MARVELD2: variants seen among roughly 807,000 people sequenced by gnomAD.
MARVELD2 encodes MARVEL domain containing 2, also known as MARVEL domain-containing protein 2.
A neutral mutation model predicts 57.6 loss-of-function variants in MARVELD2; 49 were observed. That is an observed-to-expected ratio of 0.85 (90% CI 0.68 to 1.08). The LOEUF (loss-of-function observed/expected upper bound fraction) is 1.08. Among genes scored for constraint, MARVELD2 ranks in the 50% least tolerant of loss-of-function variants. MARVELD2 has a pLI of 0.00. For missense variants in MARVELD2, 606 were observed against 701.1 expected, an observed-to-expected ratio of 0.86 and a Z score of 1.53; for synonymous variants, 238 against 258.8, an observed-to-expected ratio of 0.92 and a Z score of 0.77.
rs756888886 is a variant in MARVELD2 at position 69,419,413 on chromosome 5, C to T, written c.28C>T (p.Arg10Trp). ...GTCAAATGATGGAAGATCCAGGAAT[C>T]GGGACAGGCGCTACGATGAGGTCCC... is the stretch of plus-strand genomic sequence containing the variant. Reference protein sequence around the residue: MSNDGRSRNRDRRYDEVPSD... With the variant: MSNDGRSRNWDRRYDEVPSD... Residue 10 changes from arginine to tryptophan, a missense_variant, in exon 2 of 7, where the codon CGG becomes TGG. Arg to Trp is a moderately radical substitution (Grantham distance 101, BLOSUM62 -3). Coordinates refer to ENST00000325631, the MANE Select transcript of MARVELD2 (RefSeq NM_001038603.3). 5.6e-6 allele frequency: 9 copies of T among 1,614,124 alleles called. No individual in the cohort carries two copies. Among genetic ancestry groups the T allele is most frequent in the East Asian group, 4.5e-5 (2 of 44,880 alleles).
chr5:69,439,599 C>T (rs1580502038), intron 5 of MARVELD2, among the ~76,000 whole-genome samples: 1 of 151,750 alleles, frequency 6.6e-6, no homozygotes, highest in East Asian at 2.0e-4. Context: ...ACTAAAAATA[C>T]AAAAATTAGC....
At chr5:69,426,510 T>C (rs1766798872) in intron 3 of MARVELD2, among the ~76,000 whole-genome samples, 1 of 151,420 alleles carries the variant, frequency 6.6e-6, no homozygotes, top group South Asian at 2.1e-4. Flanking sequence ...AATTTTTGTA[T>C]TTTTAGTAGA....
intron 5 of MARVELD2, 122 bp downstream of exon 5, chr5:69,433,215 T>A (rs1219000877): frequency 1.0e-6 from 1 of 995,852 alleles, no homozygotes; most frequent in Admixed American, 2.4e-5. Context: ...CAGGCTGGAG[T>A]GCAGTGGCAC....
intron 5 of MARVELD2, 60 bp downstream of exon 5, chr5:69,433,153 CTTT>C (rs11345515): frequency 4.6e-3 from 2,186 of 475,096 alleles, no homozygotes; most frequent in East Asian, 9.3e-3. Flanking sequence ...TAAAATCTGG[CTTT>C]TTTTTTTTTT....
intron 5 of MARVELD2, among the ~76,000 whole-genome samples, chr5:69,434,125 T>A (rs1429405849): frequency 6.6e-6 from 1 of 151,834 alleles, no homozygotes; most frequent in African/African-American, 2.4e-5. Context: ...AGCCCAGCAG[T>A]TAGCACCCCA....
At position 69,419,949 on chromosome 5, in the gene MARVELD2, G is replaced by T; in HGVS notation, c.564G>T (p.Ser188=). 1 of 1,614,150 alleles carries T rather than the reference G, an allele frequency of 6.2e-7. No individual in the cohort carries two copies. The highest frequency in any genetic ancestry group is 8.5e-7 in the Non-Finnish European group (1 of 1,180,026). The part of the protein sequence containing the change: ...EYNLRYSYMK[S]WAGLLRILGV... ...ACCTGAGATACTCCTACATGAAGTCGTGGGCAGGCCTGCTGAGAATACTGG... is the reference window on the plus strand; with the variant it reads ...ACCTGAGATACTCCTACATGAAGTCTTGGGCAGGCCTGCTGAGAATACTGG... The change falls in exon 2 of 7, where the codon TCG becomes TCT. Residue 188 remains serine, a synonymous_variant. Transcript: ENST00000325631.
chr5:69,434,341 G>A (rs764062121), intron 5 of MARVELD2, among the ~76,000 whole-genome samples: 1 of 151,994 alleles, frequency 6.6e-6, no homozygotes, highest in Non-Finnish European at 1.5e-5. Context: ...GCATGCACCT[G>A]TAGACCCAGC....
intron 5 of MARVELD2, among the ~76,000 whole-genome samples, chr5:69,438,671 G>T (rs1767231955): frequency 6.6e-6 from 1 of 152,082 alleles, no homozygotes; most frequent in East Asian, 1.9e-4. Flanking sequence ...TGAATCACAA[G>T]GTCAGGAGTT....
intron 3 of MARVELD2, among the ~76,000 whole-genome samples, chr5:69,426,320 C>CATTATT (rs61577972): frequency 0.017 from 2,440 of 140,100 alleles, 54 homozygotes; most frequent in African/African-American, 0.043. Context: ...AGATACTGGA[C>CATTATT]ATTATTATTA....
At chr5:69,424,422 C>G (rs887744361) in intron 2 of MARVELD2, among the ~76,000 whole-genome samples, 179 bp from the exon 3 acceptor site, 20 of 152,252 alleles carry the variant, frequency 1.3e-4, no homozygotes, top group Admixed American at 9.8e-4. Flanking sequence ...ACAGTTATCC[C>G]TCTTCTCAGT....
Position 69,419,781 on chromosome 5 carries a change from C to A in MARVELD2, c.396C>A (p.Ser132=). The A allele has an allele frequency of 1.9e-6, 3 of 1,614,236 alleles. No homozygotes were observed. The highest frequency in any genetic ancestry group is 2.5e-6 in the Non-Finnish European group (3 of 1,180,052). Residue 132 remains serine (S), a synonymous_variant, in exon 2 of 7, where the codon TCC becomes TCA. Transcript: ENST00000325631. ...CAAACCACCGTTCGCCCCTCAACTC[C>A]TGCAAAGATCCCTACGGAGGGTCAG... ...ARPNHRSPLN[S]CKDPYGGSEG...
At chr5:69,434,440 C>G (rs1418483744) in intron 5 of MARVELD2, among the ~76,000 whole-genome samples, 1 of 143,464 alleles carries the variant, frequency 7.0e-6, no homozygotes, top group African/African-American at 2.6e-5. Flanking sequence ...GCCTGAAGGA[C>G]AGAGTGAGAC....
At chr5:69,427,484 C>T (rs931473631) in intron 3 of MARVELD2, among the ~76,000 whole-genome samples, 1 of 151,772 alleles carries the variant, frequency 6.6e-6, no homozygotes, top group Non-Finnish European at 1.5e-5. Context: ...GATCTCGGCT[C>T]ACCGCAACCT....
intron 3 of MARVELD2, among the ~76,000 whole-genome samples, chr5:69,425,301 G>A (rs1281174073): frequency 6.7e-6 from 1 of 149,294 alleles, no homozygotes; most frequent in South Asian, 2.1e-4. Context: ...GCTAGATGAC[G>A]AGTTAGTGGG....
rs575681041 is a variant in MARVELD2, at chr5:69,443,452, G to T, written c.*1798G>T. 1 of 152,074 alleles carries T rather than the reference G, an allele frequency of 6.6e-6. No homozygotes were observed. Among genetic ancestry groups the T allele is most frequent in the African/African-American group, 2.4e-5 (1 of 41,408 alleles). 9.4% of individuals were successfully genotyped at this position (152,074 alleles called of 1,614,324 possible). On this transcript the variant is annotated 3_prime_UTR_variant, in exon 7 of 7. Transcript: ENST00000325631. ...TGACCTCAGATGATCTACCAGCCTC[G>T]GCCTTCTGAAGTGCTGGGATTCAGG...
chr5:69,420,283 T>C lies in MARVELD2; in HGVS notation c.898T>C (p.Leu300=). Reference sequence around the variant, plus strand: ...AACTGAATTTGGAATTAACGTTGCCTTGTTTATTTTGTATATGGCCGCAGC... The same window carrying C: ...AACTGAATTTGGAATTAACGTTGCCCTGTTTATTTTGTATATGGCCGCAGC... The part of the protein sequence containing the change: ...PLTEFGINVA[L]FILYMAAAIV... The change falls in exon 2 of 7, where the codon TTG becomes CTG. Residue 300 remains leucine (L), a synonymous_variant. Transcript: ENST00000325631. 3.1e-6 allele frequency: 5 copies of C among 1,614,208 alleles called. No individual in the cohort carries two copies. The highest frequency in any genetic ancestry group is 4.2e-6 in the Non-Finnish European group (5 of 1,180,046).
At chr5:69,426,812 G>A (rs1766808492) in intron 3 of MARVELD2, among the ~76,000 whole-genome samples, 1 of 152,064 alleles carries the variant, frequency 6.6e-6, no homozygotes, top group Non-Finnish European at 1.5e-5. Context: ...TGGGACTACA[G>A]GCATGCACCA....
chr5:69,435,338 T>C (rs548691678), intron 5 of MARVELD2, among the ~76,000 whole-genome samples: 1 of 152,134 alleles, frequency 6.6e-6, no homozygotes, highest in Non-Finnish European at 1.5e-5. Context: ...TTAATTGAGA[T>C]CTCATTCACA....
chr5:69,427,173 A>G (rs1469124183), intron 3 of MARVELD2, among the ~76,000 whole-genome samples: 1 of 152,226 alleles, frequency 6.6e-6, no homozygotes, highest in African/African-American at 2.4e-5. Flanking sequence ...AATAGATATA[A>G]GATCACATAG....
Sources: allele counts gnomAD v4.1 joint callset (sites outside exome capture counted in the v4.1 genomes callset), GRCh38; gene constraint gnomAD v4.1.1; transcripts MANE v1.5; gene names NCBI Gene and HGNC (gene_info 2026-07-23, HGNC 2026-07-21).